Variants in ZNF429 observed in about 807,000 individuals in gnomAD.
ZNF429 encodes the protein zinc finger protein 429.
A neutral mutation model predicts 56.8 loss-of-function variants in ZNF429; 53 were observed. The ratio of observed to expected loss-of-function variants is 0.93; its 90% CI spans 0.75 to 1.17. ZNF429 has a LOEUF of 1.17. ZNF429 is among the 50% of genes most tolerant of loss of function. The probability of loss-of-function intolerance (pLI) is 0.00; values close to 1 mark genes in which losing one functional copy is unlikely to be tolerated. For synonymous variants in ZNF429, 278 were observed against 264.7 expected (o/e 1.05, Z -0.49); for missense variants, 849 against 788.4 (o/e 1.08, Z -0.92).
At position 21,538,277 on chromosome 19, in the gene ZNF429, C is replaced by CAA. The variant is rs531427318; in HGVS notation, c.*220_*221dup. Among the ~76,000 whole-genome samples, 5,504 of 34,348 alleles carry CAA rather than the reference C, an allele frequency of 0.16. 1,130 individuals carry two copies. The highest frequency in any genetic ancestry group is 0.25 in the Middle Eastern group (5 of 20). 22.5% of individuals were successfully genotyped at this position (34,348 alleles called of 152,430 possible). ...TGGGTGACAGAGCCAGACTCCATCT[C>CAA]AAAAAAAAAAAAAAAAAAAAAAGAA... On this transcript the variant is annotated 3_prime_UTR_variant, in exon 4 of 4. Coordinates refer to ENST00000358491, the MANE Select transcript of ZNF429 (RefSeq NM_001001415.4).
intron 1 of ZNF429, among the ~76,000 whole-genome samples, chr19:21,506,285 C>G (rs2032142495): frequency 6.6e-6 from 1 of 152,062 alleles, no homozygotes; most frequent in Non-Finnish European, 1.5e-5. Context: ...TGGTGAAACC[C>G]CCTCTCTGCT....
At chr19:21,520,953 G>A (rs576492378) in intron 1 of ZNF429, among the ~76,000 whole-genome samples, 3 of 152,062 alleles carry the variant, frequency 2.0e-5, no homozygotes, top group African/African-American at 7.2e-5. Context: ...ACCTTAAATA[G>A]GCACTTCAAT....
chr19:21,535,399 T>C, intron 3 of ZNF429, among the ~76,000 whole-genome samples: 3 of 39,858 alleles, frequency 7.5e-5, no homozygotes, highest in African/African-American at 2.7e-4. Context: ...CTTTCTTTCT[T>C]TCTTTCTTTT....
At chr19:21,533,234 T>A in intron 3 of ZNF429, among the ~76,000 whole-genome samples, 1 of 152,160 alleles carries the variant, frequency 6.6e-6, no homozygotes, top group African/African-American at 2.4e-5. Context: ...AAATGCTTTT[T>A]TTCCAGTTGT....
intron 1 of ZNF429, among the ~76,000 whole-genome samples, chr19:21,513,118 G>A (rs562289461): frequency 7.2e-5 from 11 of 152,110 alleles, no homozygotes; most frequent in South Asian, 2.1e-4. Flanking sequence ...TGATTCACCC[G>A]CCTCAGCCTC....
intron 3 of ZNF429, 35 bp downstream of exon 3, chr19:21,530,719 G>A: frequency 6.7e-7 from 1 of 1,500,080 alleles, no homozygotes. Flanking sequence ...CAACACAGAT[G>A]AGAGGTCCCA....
At chr19:21,535,296 C>CTTTCTTTCTTTCT in intron 3 of ZNF429, among the ~76,000 whole-genome samples, 2 of 82,546 alleles carry the variant, frequency 2.4e-5, no homozygotes, top group Non-Finnish European at 4.7e-5. Flanking sequence ...CATTTCTTTC[C>CTTTCTTTCTTTCT]TTCTTTCTTT....
intron 1 of ZNF429, among the ~76,000 whole-genome samples, chr19:21,524,085 A>G (rs543252527): frequency 1.3e-5 from 2 of 152,202 alleles, no homozygotes; most frequent in Non-Finnish European, 2.9e-5. Context: ...AGCTTTTCAG[A>G]TCTTGTCCAA....
intron 1 of ZNF429, among the ~76,000 whole-genome samples, chr19:21,510,856 G>C (rs1424444896): frequency 6.6e-6 from 1 of 152,134 alleles, no homozygotes; most frequent in Non-Finnish European, 1.5e-5. Context: ...ATTTTACCCT[G>C]AGTGGACACA....
At chr19:21,512,933 G>A (rs542032402) in intron 1 of ZNF429, among the ~76,000 whole-genome samples, 121 of 151,094 alleles carry the variant, frequency 8.0e-4, no homozygotes, top group Non-Finnish European at 1.6e-3. Flanking sequence ...GTGCAGTGGC[G>A]TGATCTCGGC....
chr19:21,527,898 A>T lies in ZNF429; in HGVS notation c.4-1760A>T, dbSNP rs182338313. Reference sequence around the variant, plus strand: ...TTTTCAGCTAATCATGTCCCAGATCAAGAGCTGTGTCCACTCTGCCTCCTG... The same window carrying T: ...TTTTCAGCTAATCATGTCCCAGATCTAGAGCTGTGTCCACTCTGCCTCCTG... On this transcript the variant is annotated intron_variant, in intron 1 of 3. Coordinates refer to ENST00000358491, the MANE Select transcript of ZNF429 (RefSeq NM_001001415.4). Among the ~76,000 whole-genome samples, 463 of 152,314 alleles carry T rather than the reference A, an allele frequency of 3.0e-3. 2 individuals are homozygous for T. The highest frequency in any genetic ancestry group is 0.01 in the African/African-American group (425 of 41,556).
At chr19:21,520,568 GTTTTA>G (rs1043838042) in intron 1 of ZNF429, among the ~76,000 whole-genome samples, 12 of 152,016 alleles carry the variant, frequency 7.9e-5, no homozygotes, top group Non-Finnish European at 1.2e-4. Flanking sequence ...TTTGGGAAAG[GTTTTA>G]TTTTATTTTT....
At chr19:21,511,219 ACCTC>A (rs1158949863) in intron 1 of ZNF429, among the ~76,000 whole-genome samples, 1 of 148,868 alleles carries the variant, frequency 6.7e-6, no homozygotes, top group Non-Finnish European at 1.5e-5. Context: ...CTGACCCCCC[ACCTC>A]CCTCCCGGAC....
At chr19:21,506,265 C>T (rs1412104886) in intron 1 of ZNF429, among the ~76,000 whole-genome samples, 7 of 152,092 alleles carry the variant, frequency 4.6e-5, no homozygotes, top group Non-Finnish European at 8.8e-5. Context: ...CGAGAACAGC[C>T]TGGCCAACAT....
At chr19:21,515,240 C>CTTT (rs35926199) in intron 1 of ZNF429, among the ~76,000 whole-genome samples, 23 of 128,116 alleles carry the variant, frequency 1.8e-4, no homozygotes, top group African/African-American at 5.0e-4. Flanking sequence ...TGTGCCTGGC[C>CTTT]TTTTTTTTTT....
chr19:21,537,939 C>A lies in ZNF429; in HGVS notation c.1886C>A (p.Ala629Asp), dbSNP rs1217397260. 6.2e-7 allele frequency: 1 copy of A among 1,613,800 alleles called. No homozygotes were observed. Among genetic ancestry groups the A allele is most frequent in the Non-Finnish European group, 8.5e-7 (1 of 1,179,950 alleles). ...KPYKCEECAKAFTRSSRLTQH... is the reference protein window; with the variant it reads ...KPYKCEECAKDFTRSSRLTQH... ...TACAAATGTGAAGAATGTGCCAAAGCTTTTACCCGGTCTTCAAGACTTACT... is the reference window on the plus strand; with the variant it reads ...TACAAATGTGAAGAATGTGCCAAAGATTTTACCCGGTCTTCAAGACTTACT... The change falls in exon 4 of 4, where the codon GCT (alanine) becomes GAT (aspartate). Residue 629 changes from alanine to aspartate, a missense_variant. Coordinates refer to ENST00000358491, the MANE Select transcript of ZNF429 (RefSeq NM_001001415.4).
intron 3 of ZNF429, 120 bp downstream of exon 3, chr19:21,530,804 C>T: frequency 2.4e-6 from 2 of 839,412 alleles, no homozygotes; most frequent in Non-Finnish European, 3.6e-6. Context: ...TTCTGAAAAA[C>T]TGTGTTCTAA....
chr19:21,532,009 A>C, intron 3 of ZNF429, among the ~76,000 whole-genome samples: 19 of 152,186 alleles, frequency 1.2e-4, no homozygotes, highest in Non-Finnish European at 2.4e-4. Flanking sequence ...ATCTGATAGA[A>C]GAGAGGAAGA....
chr19:21,526,687 C>G (rs1474769605), intron 1 of ZNF429, among the ~76,000 whole-genome samples: 2 of 152,208 alleles, frequency 1.3e-5, no homozygotes, highest in Non-Finnish European at 2.9e-5. Context: ...AACCCATACT[C>G]TAAACCTTAA....
Sources: gnomAD v4.1 joint callset for allele counts (sites outside exome capture counted in the v4.1 genomes callset) on GRCh38, gnomAD v4.1.1 for gene constraint, MANE v1.5 for transcripts, NCBI Gene and HGNC (gene_info 2026-07-23, HGNC 2026-07-21) for gene names.